The following SEMA6D variants were observed in gnomAD, a reference collection of about 807,000 sequenced individuals.
The protein encoded by SEMA6D is semaphorin 6D.
Under a neutral mutation model 106.6 loss-of-function variants are expected in SEMA6D, and 35 were observed. The ratio of observed to expected loss-of-function variants is 0.33; its 90% CI spans 0.25 to 0.44. The LOEUF is 0.44. Among genes scored for constraint, SEMA6D ranks in the 20% least tolerant of loss-of-function variants. The pLI is 1.00. For synonymous variants in SEMA6D, 499 were observed against 487.7 expected (o/e 1.02, Z -0.31); for missense variants, 1,185 against 1,345.9 (o/e 0.88, Z 1.87).
At chr15:47,436,117 C>T (rs1227282052) in intron 2 of SEMA6D, among the ~76,000 whole-genome samples, 2 of 152,048 alleles carry the variant, frequency 1.3e-5, no homozygotes, top group Non-Finnish European at 2.9e-5. Flanking sequence ...GGGCCGATTG[C>T]GGTGGCTCAT....
At chr15:47,415,963 G>A (rs1310759194) in intron 2 of SEMA6D, among the ~76,000 whole-genome samples, 1 of 152,162 alleles carries the variant, frequency 6.6e-6, no homozygotes, top group Non-Finnish European at 1.5e-5. Context: ...ATGAATAATG[G>A]ATGAAGTTAA....
At chr15:47,269,486 A>G (rs1360421377) in intron 1 of SEMA6D, among the ~76,000 whole-genome samples, 4 of 152,148 alleles carry the variant, frequency 2.6e-5, no homozygotes, top group Non-Finnish European at 5.9e-5. Context: ...TCAATATACA[A>G]TAAGTTACAC....
chr15:47,573,361 G>A (rs1196954383), intron 3 of SEMA6D, among the ~76,000 whole-genome samples: 1 of 152,144 alleles, frequency 6.6e-6, no homozygotes. Flanking sequence ...GCAAGATTTA[G>A]TCACAAAATG....
rs115684289 is a variant in SEMA6D, at chr15:47,549,522, G to A, written c.-86-51343G>A. Among the ~76,000 whole-genome samples, 571 of 152,194 alleles carry A rather than the reference G, an allele frequency of 3.8e-3. 7 individuals are homozygous for A. The highest frequency in any genetic ancestry group is 0.013 in the African/African-American group (558 of 41,528). ...CTACAGTGCTATTCCATATCTTGGC[G>A]GTATTATTGGGAGAAATCACTTAAT... On this transcript the variant is annotated intron_variant, in intron 3 of 19. Coordinates refer to the SEMA6D transcript ENST00000558014.
At chr15:47,258,727 C>T (rs2033929742) in intron 1 of SEMA6D, among the ~76,000 whole-genome samples, 2 of 152,066 alleles carry the variant, frequency 1.3e-5, no homozygotes, top group Non-Finnish European at 2.9e-5. Flanking sequence ...GATGGTGGGG[C>T]TTCTCTGCTC....
At chr15:47,386,101 G>A (rs1460709508) in intron 1 of SEMA6D, among the ~76,000 whole-genome samples, 1 of 152,184 alleles carries the variant, frequency 6.6e-6, no homozygotes, top group Non-Finnish European at 1.5e-5. Context: ...CTGGGATAGT[G>A]TGATATAATA....
chr15:47,268,031 G>T (rs1269003796), intron 1 of SEMA6D, among the ~76,000 whole-genome samples: 2 of 152,036 alleles, frequency 1.3e-5, no homozygotes, highest in Non-Finnish European at 2.9e-5. Flanking sequence ...GTGTTATCTG[G>T]AAGCTTATTA....
At chr15:47,610,170 T>C (rs1388981400) in intron 4 of SEMA6D, among the ~76,000 whole-genome samples, 1 of 152,208 alleles carries the variant, frequency 6.6e-6, no homozygotes, top group Non-Finnish European at 1.5e-5. Context: ...TAGCCCTTTC[T>C]TCCTCCAGGA....
intron 4 of SEMA6D, among the ~76,000 whole-genome samples, chr15:47,699,340 A>G (rs1027525541): frequency 2.0e-5 from 3 of 152,174 alleles, no homozygotes; most frequent in Admixed American, 6.5e-5. Context: ...GTCTTTTACA[A>G]TCCTATGAAG....
chr15:47,607,771 G>C (rs1209587290), intron 4 of SEMA6D, among the ~76,000 whole-genome samples: 2 of 152,166 alleles, frequency 1.3e-5, no homozygotes, highest in African/African-American at 2.4e-5. Flanking sequence ...GACATGTGAG[G>C]TATTGATGAA....
chr15:47,477,665 AT>A lies in SEMA6D; in HGVS notation c.-87+7130del, dbSNP rs753799867. On this transcript the variant is annotated intron_variant, in intron 3 of 19. Transcript: ENST00000558014. Reference sequence around the variant, plus strand: ...AGCCACAGAATTTGATTTTTTGCCAATTTTTTTTTTCCTTTTCTTTTTGGTT... The same window carrying A: ...AGCCACAGAATTTGATTTTTTGCCAATTTTTTTTTCCTTTTCTTTTTGGTT... Among the ~76,000 whole-genome samples, 296 of 150,398 alleles carry A rather than the reference AT, an allele frequency of 2.0e-3. 1 individual carries two copies. Among genetic ancestry groups the A allele is most frequent in the East Asian group, 0.014 (70 of 5,134 alleles).
intron 1 of SEMA6D, among the ~76,000 whole-genome samples, chr15:47,406,591 T>A (rs942963257): frequency 1.7e-4 from 26 of 151,580 alleles, no homozygotes; most frequent in African/African-American, 5.8e-4. Flanking sequence ...TGACAGAGAG[T>A]AAAGGGGTGG....
chr15:47,615,906 A>C (rs1246523397), intron 4 of SEMA6D, among the ~76,000 whole-genome samples: 1 of 152,256 alleles, frequency 6.6e-6, no homozygotes, highest in African/African-American at 2.4e-5. Context: ...CAGTGCCATG[A>C]ATTATCCAGT....
chr15:47,679,146 A>G (rs998181309), intron 4 of SEMA6D, among the ~76,000 whole-genome samples: 4 of 152,252 alleles, frequency 2.6e-5, no homozygotes, highest in Non-Finnish European at 5.9e-5. Flanking sequence ...TGCCTAGACT[A>G]ACTTTTATAC....
intron 3 of SEMA6D, among the ~76,000 whole-genome samples, chr15:47,529,852 G>A (rs903327501): frequency 2.6e-5 from 4 of 152,246 alleles, no homozygotes; most frequent in Admixed American, 6.5e-5. Flanking sequence ...AGGGGTGATC[G>A]TTCCAGCCAT....
At chr15:47,543,505 CTG>C (rs2045421225) in intron 3 of SEMA6D, among the ~76,000 whole-genome samples, 1 of 152,144 alleles carries the variant, frequency 6.6e-6, no homozygotes, top group Non-Finnish European at 1.5e-5. Context: ...CCATGTGGAA[CTG>C]TGAGTCTATG....
intron 4 of SEMA6D, among the ~76,000 whole-genome samples, chr15:47,688,463 G>A (rs1306666726): frequency 1.3e-5 from 2 of 152,006 alleles, no homozygotes; most frequent in African/African-American, 4.8e-5. Context: ...AAATTATTAT[G>A]TCTTCATTCA....
At chr15:47,421,905 A>G in intron 2 of SEMA6D, among the ~76,000 whole-genome samples, 1 of 152,074 alleles carries the variant, frequency 6.6e-6, no homozygotes. Context: ...GAATCTATAA[A>G]TAATCAATTT....
rs534929887 is a variant in SEMA6D at position 47,678,404 on chromosome 15, C to T, written c.-55+77508C>T. 4.6e-5 allele frequency among the ~76,000 whole-genome samples: 7 copies of T among 152,300 alleles called. No homozygotes were observed. The South Asian group carries it at 1.0e-3, about 23-fold the overall frequency. ...CCAAGTGTTTTCATAGCTTCCCTCC[C>T]TCCCATCCTTCCTTTCTTTCACAAT... On this transcript the variant is annotated intron_variant, in intron 4 of 19. Coordinates refer to the SEMA6D transcript ENST00000558014.
Sources: allele counts gnomAD v4.1 joint callset (sites outside exome capture counted in the v4.1 genomes callset), GRCh38; gene constraint gnomAD v4.1.1; transcripts MANE v1.5; gene names NCBI Gene and HGNC (gene_info 2026-07-23, HGNC 2026-07-21).